ADAMTSL1: variants seen among roughly 807,000 people sequenced by gnomAD.
The protein encoded by ADAMTSL1 is ADAMTS-like protein 1.
Under a neutral mutation model 201.8 loss-of-function variants are expected in ADAMTSL1, and 126 were observed. That is an observed-to-expected ratio of 0.62 (90% CI 0.54 to 0.72). The LOEUF is 0.72. ADAMTSL1 is among the 30% of genes least tolerant of loss of function. ADAMTSL1 has a pLI of 0.00. For synonymous variants in ADAMTSL1, 1,121 were observed against 903.4 expected (o/e 1.24, Z -4.32); for missense variants, 2,679 against 2,277.8 (o/e 1.18, Z -3.59).
intron 13 of ADAMTSL1, among the ~76,000 whole-genome samples, chr9:18,690,155 A>G (rs191175744): frequency 1.3e-5 from 2 of 152,334 alleles, no homozygotes; most frequent in East Asian, 3.9e-4. Flanking sequence ...TTAGATGCAT[A>G]TAGAAAAACC....
chr9:18,289,024 A>C (rs1833138275), intron 2 of ADAMTSL1, among the ~76,000 whole-genome samples: 1 of 152,228 alleles, frequency 6.6e-6, no homozygotes, highest in Non-Finnish European at 1.5e-5. Context: ...TGTAAATTAT[A>C]TGAGTCTAAG....
At chr9:18,770,840 A>T in intron 17 of ADAMTSL1, 59 bp downstream of exon 17, 1 of 1,529,858 alleles carries the variant, frequency 6.5e-7, no homozygotes. Context: ...AAGGCACCCC[A>T]GACATATACA....
chr9:18,526,041 G>A (rs1819023547), intron 2 of ADAMTSL1, among the ~76,000 whole-genome samples: 2 of 152,150 alleles, frequency 1.3e-5, no homozygotes, highest in Non-Finnish European at 2.9e-5. Context: ...TGACAGTGGG[G>A]TGTTAAAGCC....
At chr9:17,962,095 A>T (rs1006806999) in intron 1 of ADAMTSL1, among the ~76,000 whole-genome samples, 1 of 152,224 alleles carries the variant, frequency 6.6e-6, no homozygotes, top group Non-Finnish European at 1.5e-5. Flanking sequence ...GTTGAGGGTC[A>T]GAGCTGGAGA....
intron 20 of ADAMTSL1, among the ~76,000 whole-genome samples, chr9:18,802,994 C>T (rs1278559551): frequency 2.0e-5 from 3 of 152,124 alleles, no homozygotes; most frequent in Non-Finnish European, 2.9e-5. Context: ...GAGTCATTTA[C>T]GTGTCTTCTT....
At chr9:17,965,016 G>A (rs564688865) in intron 1 of ADAMTSL1, among the ~76,000 whole-genome samples, 150 of 152,166 alleles carry the variant, frequency 9.9e-4, no homozygotes, top group African/African-American at 3.3e-3. Flanking sequence ...GCCTCTTAAA[G>A]TGCTGGGATT....
In ADAMTSL1 at chr9:18,807,444, A is replaced by T. The variant is rs556258586; in HGVS notation, c.3806-9665A>T. Among the ~76,000 whole-genome samples the T allele has an allele frequency of 2.0e-5, 3 of 152,184 alleles. No individual in the cohort carries two copies. In the South Asian group the frequency reaches 6.2e-4, roughly 32 times the overall value. ...CGGATCACGAGGTCAGGAGATCGAG[A>T]CCATCCTGGCTAACACGGTGAAACC... On this transcript the variant is annotated intron_variant, in intron 20 of 28. Transcript: ENST00000380548.
At chr9:18,051,040 G>A (rs12376842) in intron 1 of ADAMTSL1, among the ~76,000 whole-genome samples, 1 of 151,978 alleles carries the variant, frequency 6.6e-6, no homozygotes, top group Non-Finnish European at 1.5e-5. Flanking sequence ...AGTGGCTCAC[G>A]CCTGTAATCC....
At chr9:17,947,964 A>G (rs1181109839) in intron 1 of ADAMTSL1, among the ~76,000 whole-genome samples, 1 of 152,144 alleles carries the variant, frequency 6.6e-6, no homozygotes, top group Non-Finnish European at 1.5e-5. Context: ...TGAAGCAGAC[A>G]TTGATGCTTC....
At chr9:18,727,894 A>G (rs1817984810) in intron 15 of ADAMTSL1, among the ~76,000 whole-genome samples, 1 of 152,050 alleles carries the variant, frequency 6.6e-6, no homozygotes, top group Non-Finnish European at 1.5e-5. Context: ...AGCCTGGCCA[A>G]CGTGGCAAAA....
intron 2 of ADAMTSL1, among the ~76,000 whole-genome samples, chr9:18,305,556 C>A (rs952355129): frequency 1.3e-5 from 2 of 152,174 alleles, no homozygotes; most frequent in African/African-American, 4.8e-5. Flanking sequence ...CTTGAGTAGG[C>A]GGTTTTCCCC....
At chr9:18,309,257 C>G (rs1214927629) in intron 2 of ADAMTSL1, among the ~76,000 whole-genome samples, 1 of 152,046 alleles carries the variant, frequency 6.6e-6, no homozygotes, top group African/African-American at 2.4e-5. Flanking sequence ...CCTGGCTGCA[C>G]TCCTTTTGAA....
At chr9:18,827,496 A>T (rs1824654727) in intron 22 of ADAMTSL1, among the ~76,000 whole-genome samples, 1 of 152,176 alleles carries the variant, frequency 6.6e-6, no homozygotes, top group African/African-American at 2.4e-5. Flanking sequence ...ACCTCCAGCC[A>T]TCTTAAGAAG....
At chr9:18,597,452 C>G (rs1355999505) in intron 4 of ADAMTSL1, among the ~76,000 whole-genome samples, 1 of 152,132 alleles carries the variant, frequency 6.6e-6, no homozygotes. Context: ...CCCTAAAATA[C>G]TAGTCTTTCC....
chr9:18,139,735 C>T (rs946505107), intron 1 of ADAMTSL1, among the ~76,000 whole-genome samples: 1 of 152,140 alleles, frequency 6.6e-6, no homozygotes, highest in African/African-American at 2.4e-5. Flanking sequence ...AAGATATAGA[C>T]ATGAGATCAC....
intron 2 of ADAMTSL1, among the ~76,000 whole-genome samples, chr9:18,427,274 T>A (rs1225911896): frequency 2.0e-5 from 3 of 152,218 alleles, no homozygotes; most frequent in Admixed American, 1.3e-4. Flanking sequence ...ACTAATCGAC[T>A]TGCTGAATTG....
At chr9:18,385,337 A>T (rs1837748898) in intron 2 of ADAMTSL1, among the ~76,000 whole-genome samples, 1 of 152,080 alleles carries the variant, frequency 6.6e-6, no homozygotes, top group Non-Finnish European at 1.5e-5. Context: ...CAATTGCCAG[A>T]CATCCTTTGA....
chr9:18,749,810 G>A (rs1156352928), intron 15 of ADAMTSL1, among the ~76,000 whole-genome samples: 2 of 152,234 alleles, frequency 1.3e-5, no homozygotes, highest in Non-Finnish European at 2.9e-5. Flanking sequence ...AGCTTCTGCT[G>A]ACCTCCGTCC....
At chr9:18,227,500 C>G (rs1773037946) in intron 2 of ADAMTSL1, among the ~76,000 whole-genome samples, 1 of 152,164 alleles carries the variant, frequency 6.6e-6, no homozygotes, top group South Asian at 2.1e-4. Flanking sequence ...TCAAACAGTT[C>G]TTACCTTAGA....
Sources: allele counts gnomAD v4.1 joint callset (sites outside exome capture counted in the v4.1 genomes callset), GRCh38; gene constraint gnomAD v4.1.1; transcripts MANE v1.5; gene names NCBI Gene and HGNC (gene_info 2026-07-23, HGNC 2026-07-21).